Variants in FHIT observed in about 807,000 individuals in gnomAD.
The protein encoded by FHIT is fragile histidine triad diadenosine triphosphatase.
Under a neutral mutation model 17.9 loss-of-function variants are expected in FHIT, and 19 were observed. That is an observed-to-expected ratio of 1.06 (90% CI 0.74 to 1.56). The LOEUF (loss-of-function observed/expected upper bound fraction) is 1.56, where lower values mean the gene tolerates loss of function less well. Ranked by LOEUF, FHIT falls within the 40% of genes most tolerant of loss-of-function variation. The pLI, the probability that FHIT is intolerant of heterozygous loss-of-function variation, is 0.00. For synonymous variants in FHIT, 81 were observed against 69.7 expected (o/e 1.16, Z -0.81); for missense variants, 248 against 189.2 (o/e 1.31, Z -1.82).
At chr3:59,947,508 T>G (rs1706872586) in intron 7 of FHIT, among the ~76,000 whole-genome samples, 1 of 152,212 alleles carries the variant, frequency 6.6e-6, no homozygotes, top group African/African-American at 2.4e-5. Context: ...CTTAATTTCA[T>G]TCAGTTTAGC....
chr3:61,094,771 T>C (rs2035588402), intron 2 of FHIT, among the ~76,000 whole-genome samples: 1 of 152,178 alleles, frequency 6.6e-6, no homozygotes, highest in Non-Finnish European at 1.5e-5. Context: ...ATAACTGAGA[T>C]AATGATTAAG....
At chr3:60,925,193 C>A (rs574055475) in intron 3 of FHIT, among the ~76,000 whole-genome samples, 17 of 152,268 alleles carry the variant, frequency 1.1e-4, no homozygotes, top group Non-Finnish European at 2.1e-4. Flanking sequence ...CATTCAAATT[C>A]AGGAAATACA....
chr3:59,887,350 C>A (rs1405940213), intron 8 of FHIT, among the ~76,000 whole-genome samples: 1 of 152,136 alleles, frequency 6.6e-6, no homozygotes, highest in Admixed American at 6.5e-5. Flanking sequence ...ATCTAAATTC[C>A]ACATTTGTGG....
intron 3 of FHIT, among the ~76,000 whole-genome samples, chr3:61,008,847 T>C (rs1377146606): frequency 6.6e-6 from 1 of 152,168 alleles, no homozygotes; most frequent in African/African-American, 2.4e-5. Flanking sequence ...GGCACCAACA[T>C]GCTATGGGCA....
chr3:60,758,804 G>A (rs987709069), intron 4 of FHIT, among the ~76,000 whole-genome samples: 2 of 152,074 alleles, frequency 1.3e-5, no homozygotes, highest in Non-Finnish European at 2.9e-5. Context: ...ACATTCTGGG[G>A]GAGAATCAGA....
intron 4 of FHIT, among the ~76,000 whole-genome samples, chr3:60,740,474 T>C (rs1281799527): frequency 1.3e-5 from 2 of 152,242 alleles, no homozygotes; most frequent in African/African-American, 2.4e-5. Flanking sequence ...GTAAGAACAA[T>C]AGCTGTTAGC....
At chr3:60,905,629 T>C (rs1706368840) in intron 3 of FHIT, among the ~76,000 whole-genome samples, 1 of 152,126 alleles carries the variant, frequency 6.6e-6, no homozygotes, top group Admixed American at 6.5e-5. Context: ...ACAACCAATA[T>C]ACACATAGAA....
intron 7 of FHIT, among the ~76,000 whole-genome samples, chr3:59,932,287 G>A (rs1045807553): frequency 4.6e-5 from 7 of 151,412 alleles, no homozygotes; most frequent in African/African-American, 1.7e-4. Flanking sequence ...TTTATTTTTT[G>A]GTTTGTTTTA....
At chr3:59,922,706 G>C (rs746132381) in intron 7 of FHIT, among the ~76,000 whole-genome samples, 1 of 152,160 alleles carries the variant, frequency 6.6e-6, no homozygotes, top group Non-Finnish European at 1.5e-5. Flanking sequence ...TAGTTAGCCA[G>C]TGCTTTGAAA....
chr3:60,806,061 T>C (rs1701373814), intron 4 of FHIT, among the ~76,000 whole-genome samples: 1 of 152,196 alleles, frequency 6.6e-6, no homozygotes, highest in Non-Finnish European at 1.5e-5. Context: ...AAGCCTTTGC[T>C]CCTTAAGTCC....
chr3:60,431,580 T>C (rs1257191112), intron 5 of FHIT, among the ~76,000 whole-genome samples: 1 of 152,146 alleles, frequency 6.6e-6, no homozygotes, highest in African/African-American at 2.4e-5. Flanking sequence ...TTATTTCAAA[T>C]CATTTAGTAT....
At chr3:60,646,298 C>T (rs201426651) in intron 4 of FHIT, among the ~76,000 whole-genome samples, 22 of 152,048 alleles carry the variant, frequency 1.4e-4, no homozygotes, top group Middle Eastern at 6.8e-3. Flanking sequence ...TATACATTTA[C>T]GCACACATTT....
At chr3:60,410,131 T>C (rs1158623391) in intron 5 of FHIT, among the ~76,000 whole-genome samples, 2 of 152,126 alleles carry the variant, frequency 1.3e-5, no homozygotes, top group African/African-American at 4.8e-5. Context: ...TTACAAAAAG[T>C]GATGCCACGT....
At position 61,047,282 on chromosome 3, in the gene FHIT, G is replaced by T. The variant is rs151120076; in HGVS notation, c.-163-5183C>A. Among the ~76,000 whole-genome samples the T allele has an allele frequency of 8.9e-3, 1,362 of 152,284 alleles. 24 individuals are homozygous for T. The highest frequency in any genetic ancestry group is 0.031 in the African/African-American group (1,300 of 41,550). ...TAAGCTGATAGGCAACTTCAGCAAA[G>T]TCTCAGGATACAAAATCAATGTGCA... On this transcript the variant is annotated intron_variant, in intron 2 of 9. Coordinates refer to ENST00000492590, the MANE Select transcript of FHIT (RefSeq NM_002012.4).
At chr3:60,618,809 G>T (rs572278014) in intron 4 of FHIT, among the ~76,000 whole-genome samples, 1 of 152,304 alleles carries the variant, frequency 6.6e-6, no homozygotes, top group East Asian at 1.9e-4. Flanking sequence ...AAAGAGGTCA[G>T]AATGATGCTG....
At chr3:60,917,200 A>G (rs1244402890) in intron 3 of FHIT, among the ~76,000 whole-genome samples, 1 of 152,240 alleles carries the variant, frequency 6.6e-6, no homozygotes, top group Non-Finnish European at 1.5e-5. Flanking sequence ...CTTTGAAAGC[A>G]TTGGATAGTA....
At chr3:60,479,941 A>G (rs1232941040) in intron 5 of FHIT, among the ~76,000 whole-genome samples, 1 of 152,194 alleles carries the variant, frequency 6.6e-6, no homozygotes, top group Non-Finnish European at 1.5e-5. Flanking sequence ...TAAAGTACAT[A>G]ATACTTGATA....
intron 3 of FHIT, among the ~76,000 whole-genome samples, chr3:60,912,249 G>A (rs1706783881): frequency 6.6e-6 from 1 of 152,172 alleles, no homozygotes; most frequent in South Asian, 2.1e-4. Flanking sequence ...ATGTGTGCTA[G>A]GTTTTTGATT....
At chr3:60,140,447 T>C (rs572169075) in intron 5 of FHIT, among the ~76,000 whole-genome samples, 1 of 152,236 alleles carries the variant, frequency 6.6e-6, no homozygotes, top group African/African-American at 2.4e-5. Flanking sequence ...AGTTGCTCTC[T>C]TATGCTGAGA....
Sources: gnomAD v4.1 joint callset for allele counts (sites outside exome capture counted in the v4.1 genomes callset) on GRCh38, gnomAD v4.1.1 for gene constraint, MANE v1.5 for transcripts, NCBI Gene and HGNC (gene_info 2026-07-23, HGNC 2026-07-21) for gene names.